The following ENTPD1 variants were observed in gnomAD, a reference collection of about 807,000 sequenced individuals.
The protein encoded by ENTPD1 is ectonucleoside triphosphate diphosphohydrolase 1.
In ENTPD1, 33 loss-of-function variants were observed where a neutral mutation model predicts 57.0. That is an observed-to-expected ratio of 0.58 (90% confidence interval 0.44 to 0.77). The LOEUF is 0.77. ENTPD1 is among the 30% of genes least tolerant of loss of function. The pLI is 0.00. For synonymous variants in ENTPD1, 202 were observed against 218.8 expected (o/e 0.92, Z 0.68); for missense variants, 501 against 603.4 (o/e 0.83, Z 1.78).
At chr10:95,856,760 T>C (rs921579202) in intron 7 of ENTPD1, among the ~76,000 whole-genome samples, 4 of 150,186 alleles carry the variant, frequency 2.7e-5, no homozygotes, top group Non-Finnish European at 4.4e-5. Flanking sequence ...CAAGGACACA[T>C]GATGTATTAA....
intron 1 of ENTPD1, among the ~76,000 whole-genome samples, chr10:95,734,400 TA>T (rs2097992384): frequency 1.3e-5 from 2 of 152,092 alleles, no homozygotes; most frequent in South Asian, 2.1e-4. Flanking sequence ...GCTCCATGCA[TA>T]AAAAACAGAG....
upstream of ENTPD1, among the ~76,000 whole-genome samples, chr10:95,751,503 G>T (rs2098011950): frequency 6.6e-6 from 1 of 152,114 alleles, no homozygotes; most frequent in South Asian, 2.1e-4. Context: ...CCTATCACCT[G>T]AGGTCAGGAG....
intron 7 of ENTPD1, among the ~76,000 whole-genome samples, chr10:95,849,095 G>T (rs1019418458): frequency 1.3e-5 from 2 of 152,164 alleles, no homozygotes; most frequent in Admixed American, 6.5e-5. Flanking sequence ...TTGTCATTAT[G>T]TTTTGAAGAG....
chr10:95,760,814 C>CTTTTTT (rs71034350), intron 1 of ENTPD1, among the ~76,000 whole-genome samples: 1,767 of 62,916 alleles, frequency 0.028, 375 homozygotes, highest in Middle Eastern at 0.077. Flanking sequence ...AGAGTTTATT[C>CTTTTTT]TTTTTTTTTT....
chr10:95,714,415 A>G (rs759413717), intron 1 of ENTPD1, among the ~76,000 whole-genome samples: 23 of 152,240 alleles, frequency 1.5e-4, no homozygotes, highest in Non-Finnish European at 2.5e-4. Context: ...AATTAGTAAT[A>G]CATTACTTCT....
chr10:95,789,089 T>C (rs983940257), intron 1 of ENTPD1, among the ~76,000 whole-genome samples: 52 of 152,202 alleles, frequency 3.4e-4, no homozygotes, highest in Admixed American at 2.6e-3. Flanking sequence ...TGCAAAGGAA[T>C]TGGAACCTCT....
chr10:95,867,220 CATAA>C lies in ENTPD1; in HGVS notation c.*841_*844del, dbSNP rs2098475486. The C allele has an allele frequency of 1.0e-6, 1 of 978,754 alleles. No individual in the cohort carries two copies. Among genetic ancestry groups the C allele is most frequent in the South Asian group, 4.7e-5 (1 of 21,166 alleles). 60.6% of individuals were successfully genotyped at this position (978,754 alleles called of 1,614,324 possible). On this transcript the variant is annotated 3_prime_UTR_variant, in exon 10 of 10. Coordinates refer to ENST00000371205, the MANE Select transcript of ENTPD1 (RefSeq NM_001776.6). ...CATATTTTTATTATGGTAAAATATA[CATAA>C]ATATAATTCACCATTTTAACATTTA...
upstream of ENTPD1, chr10:95,755,499 T>TGCGCG: frequency 1.7e-6 from 1 of 595,862 alleles, no homozygotes; most frequent in South Asian, 2.1e-5. Flanking sequence ...TCATTAGACT[T>TGCGCG]CAAAGGTAGG....
rs528042766 is a variant in ENTPD1 at position 95,876,098 on chromosome 10, A to C, written c.*9715A>C. ...AGGTTTGAAACCTGAAATGCAGTCT[A>C]TTATCATACATAACTAAAAATAGAG... On this transcript the variant is annotated 3_prime_UTR_variant, in exon 10 of 10. Transcript: ENST00000371205. 1.3e-4 allele frequency: 124 copies of C among 985,438 alleles called. 3 individuals are homozygous for C. The South Asian group carries it at 5.1e-3, about 41-fold the overall frequency. 61.0% of individuals were successfully genotyped at this position (985,438 alleles called of 1,614,324 possible).
intron 1 of ENTPD1, among the ~76,000 whole-genome samples, chr10:95,822,037 G>C (rs1039514818): frequency 3.6e-5 from 4 of 111,580 alleles, no homozygotes; most frequent in Non-Finnish European, 6.7e-5. Flanking sequence ...GTTTCACTCT[G>C]TCTCCAGGCT....
At chr10:95,783,580 T>G (rs1290225224) in intron 1 of ENTPD1, among the ~76,000 whole-genome samples, 1 of 152,188 alleles carries the variant, frequency 6.6e-6, no homozygotes, top group Non-Finnish European at 1.5e-5. Context: ...CAACCCCTTC[T>G]TTGCTTGTCC....
chr10:95,805,054 C>T (rs956658659), intron 1 of ENTPD1, among the ~76,000 whole-genome samples: 1 of 152,166 alleles, frequency 6.6e-6, no homozygotes, highest in Non-Finnish European at 1.5e-5. Context: ...TGTTAACCTT[C>T]TGTCTCGTTG....
chr10:95,797,925 A>T (rs539049980), intron 1 of ENTPD1, among the ~76,000 whole-genome samples: 1 of 152,344 alleles, frequency 6.6e-6, no homozygotes, highest in South Asian at 2.1e-4. Flanking sequence ...AGTTATCCTC[A>T]TAGAGATTAA....
intron 7 of ENTPD1, among the ~76,000 whole-genome samples, chr10:95,849,569 A>G (rs2098441313): frequency 6.6e-6 from 1 of 152,198 alleles, no homozygotes; most frequent in Non-Finnish European, 1.5e-5. Context: ...CTGGCTTCTT[A>G]TGAACTGTAT....
chr10:95,753,031 G>T (rs191939734), upstream of ENTPD1, among the ~76,000 whole-genome samples: 105 of 152,212 alleles, frequency 6.9e-4, 1 homozygote, highest in African/African-American at 2.4e-3. Context: ...GAGGATGAAG[G>T]TGTAGGAAAA....
In ENTPD1 at chr10:95,823,422, G is replaced by C. The variant is rs1382519023; in HGVS notation, c.144+58G>C. Reference sequence around the variant, plus strand: ...TGTAAGAGGAGATCTGGGTGGGACAGGGGGAGGAGGGATAAGGTATGTAGA... The same window carrying C: ...TGTAAGAGGAGATCTGGGTGGGACACGGGGAGGAGGGATAAGGTATGTAGA... On this transcript the variant is annotated intron_variant, in intron 2 of 9. Transcript: ENST00000371205. 6.8e-6 allele frequency: 11 copies of C among 1,609,380 alleles called. No individual in the cohort carries two copies. The East Asian group carries it at 2.2e-4, about 33-fold the overall frequency.
At chr10:95,798,873 T>C (rs1436634117) in intron 1 of ENTPD1, among the ~76,000 whole-genome samples, 1 of 152,202 alleles carries the variant, frequency 6.6e-6, no homozygotes, top group Non-Finnish European at 1.5e-5. Context: ...TTGGCCTTCC[T>C]TCTGTGGCTG....
chr10:95,775,823 C>G (rs566777928), intron 1 of ENTPD1, among the ~76,000 whole-genome samples: 25 of 152,254 alleles, frequency 1.6e-4, no homozygotes, highest in Middle Eastern at 3.4e-3. Context: ...CTGGGTGCTC[C>G]TGTATTGGGT....
chr10:95,787,635 G>A lies in ENTPD1; in HGVS notation c.16+31380G>A, dbSNP rs142615477. On this transcript the variant is annotated intron_variant, in intron 1 of 9. Coordinates refer to ENST00000371205, the MANE Select transcript of ENTPD1 (RefSeq NM_001776.6). ...ATTTCTATTACAAATGACAGAGCTG[G>A]GACAGAAGCAATGTAGACTGTTGAT... Among the ~76,000 whole-genome samples, 246 of 152,206 alleles carry A rather than the reference G, an allele frequency of 1.6e-3. 7 individuals carry two copies. The East Asian group carries it at 0.043, about 26-fold the overall frequency.
Sources: allele counts gnomAD v4.1 joint callset (sites outside exome capture counted in the v4.1 genomes callset), GRCh38; gene constraint gnomAD v4.1.1; transcripts MANE v1.5; gene names NCBI Gene and HGNC (gene_info 2026-07-23, HGNC 2026-07-21).